The following ANKS1B variants were observed in gnomAD, a reference collection of about 807,000 sequenced individuals.
ANKS1B encodes ankyrin repeat and sterile alpha motif domain-containing protein 1B.
Under a neutral mutation model 148.3 loss-of-function variants are expected in ANKS1B, and 36 were observed. The ratio of observed to expected loss-of-function variants is 0.24; its 90% CI spans 0.19 to 0.32. ANKS1B has a LOEUF of 0.32. Ranked by LOEUF, ANKS1B falls within the 10% of genes least tolerant of loss-of-function variation. ANKS1B has a pLI of 1.00. For synonymous variants in ANKS1B, 542 were observed against 560.8 expected (o/e 0.97, Z 0.47); for missense variants, 1,157 against 1,542.6 (o/e 0.75, Z 4.19).
intron 11 of ANKS1B, among the ~76,000 whole-genome samples, chr12:99,422,066 C>T (rs916030691): frequency 6.6e-6 from 1 of 152,156 alleles, no homozygotes; most frequent in Non-Finnish European, 1.5e-5. Flanking sequence ...CCTGCAGAAC[C>T]GTGAGCCAAT....
intron 9 of ANKS1B, among the ~76,000 whole-genome samples, chr12:99,559,012 C>T (rs991888243): frequency 2.0e-5 from 3 of 152,156 alleles, no homozygotes; most frequent in African/African-American, 7.2e-5. Flanking sequence ...CAACTCACCC[C>T]TTCCTTAGGA....
chr12:99,568,041 T>G (rs1317174976), intron 9 of ANKS1B, among the ~76,000 whole-genome samples: 1 of 152,212 alleles, frequency 6.6e-6, no homozygotes, highest in African/African-American at 2.4e-5. Context: ...TACAGTCCTG[T>G]TGTATTAGTT....
intron 10 of ANKS1B, among the ~76,000 whole-genome samples, chr12:99,449,375 T>A (rs1168800779): frequency 6.6e-6 from 1 of 152,174 alleles, no homozygotes; most frequent in Non-Finnish European, 1.5e-5. Flanking sequence ...TAACTAACTC[T>A]TAGTCTTTTA....
intron 14 of ANKS1B, among the ~76,000 whole-genome samples, chr12:99,167,728 C>A (rs2077324702): frequency 6.6e-6 from 1 of 151,972 alleles, no homozygotes; most frequent in Non-Finnish European, 1.5e-5. Flanking sequence ...AAACATATGC[C>A]ATACAGAGAC....
chr12:99,545,797 T>A (rs1027624233), intron 9 of ANKS1B, among the ~76,000 whole-genome samples: 1 of 138,672 alleles, frequency 7.2e-6, no homozygotes, highest in Non-Finnish European at 1.6e-5. Flanking sequence ...TATATATATA[T>A]AAAATTATTG....
At chr12:99,971,924 A>G (rs1031781771) in intron 1 of ANKS1B, among the ~76,000 whole-genome samples, 9 of 152,216 alleles carry the variant, frequency 5.9e-5, no homozygotes, top group African/African-American at 2.2e-4. Context: ...AAAATTGAAG[A>G]TTTATAGGAA....
chr12:99,819,351 T>A lies in ANKS1B; in HGVS notation c.215+5958A>T, dbSNP rs141904752. The stretch of plus-strand genomic sequence containing the variant: ...GGAAAAAAAGCAAGATGACTAAAGA[T>A]GTTTCTAGTTATTCAAAGAGCAACT... On this transcript the variant is annotated intron_variant, in intron 2 of 26. Transcript: ENST00000683438. 1.6e-4 allele frequency among the ~76,000 whole-genome samples: 25 copies of A among 151,992 alleles called. No individual in the cohort carries two copies. The East Asian group carries it at 4.1e-3, about 25-fold the overall frequency.
rs149904163 is a variant in ANKS1B at position 99,926,787 on chromosome 12, T to A, written c.134+57317A>T. Among the ~76,000 whole-genome samples the A allele has an allele frequency of 1.6e-3, 247 of 152,346 alleles. 9 individuals carry two copies. In the East Asian group the frequency reaches 0.04, roughly 24 times the overall value. ...TGCTAAAGCATCCCGCCTAAATAGC[T>A]ACAAATGTTCCAGACCTTTCCCTTT... On this transcript the variant is annotated intron_variant, in intron 1 of 26. Coordinates refer to ENST00000683438, the MANE Select transcript of ANKS1B (RefSeq NM_001352186.2).
At chr12:99,251,652 C>T in intron 12 of ANKS1B, among the ~76,000 whole-genome samples, 1 of 152,126 alleles carries the variant, frequency 6.6e-6, no homozygotes, top group East Asian at 1.9e-4. Flanking sequence ...CTCTTTTTAT[C>T]CACCTTTGCT....
intron 14 of ANKS1B, among the ~76,000 whole-genome samples, chr12:99,162,199 A>G (rs1476104740): frequency 6.6e-6 from 1 of 152,168 alleles, no homozygotes; most frequent in Admixed American, 6.5e-5. Context: ...GTGACTATTA[A>G]TGGATTTAGG....
chr12:98,797,262 TC>T (rs1172102924), intron 22 of ANKS1B, among the ~76,000 whole-genome samples: 1 of 152,156 alleles, frequency 6.6e-6, no homozygotes, highest in African/African-American at 2.4e-5. Flanking sequence ...AAACAGAGGA[TC>T]GGGGAAACAG....
chr12:98,853,654 C>T (rs1486694428), intron 17 of ANKS1B, among the ~76,000 whole-genome samples: 2 of 151,992 alleles, frequency 1.3e-5, no homozygotes, highest in Non-Finnish European at 2.9e-5. Flanking sequence ...TAAATAGATC[C>T]CCCCTGCTAC....
At chr12:99,590,105 A>G (rs2097685005) in intron 9 of ANKS1B, among the ~76,000 whole-genome samples, 1 of 152,216 alleles carries the variant, frequency 6.6e-6, no homozygotes, top group South Asian at 2.1e-4. Context: ...TGAAAAAAGT[A>G]CAGTATGTAT....
intron 4 of ANKS1B, 81 bp downstream of exon 4, chr12:99,806,323 T>C: frequency 6.6e-6 from 10 of 1,519,364 alleles, no homozygotes; most frequent in Non-Finnish European, 8.9e-6. Context: ...AAAAGATTTC[T>C]ACATACAGGT....
At chr12:99,652,504 C>T (rs1371458249) in intron 9 of ANKS1B, among the ~76,000 whole-genome samples, 1 of 151,422 alleles carries the variant, frequency 6.6e-6, no homozygotes, top group Non-Finnish European at 1.5e-5. Context: ...GTGAGAGAAA[C>T]ATTAGTAAAA....
intron 10 of ANKS1B, among the ~76,000 whole-genome samples, chr12:99,502,238 T>G (rs567077747): frequency 1.3e-5 from 2 of 151,942 alleles, no homozygotes; most frequent in Non-Finnish European, 2.9e-5. Context: ...TAATGAAGCT[T>G]CCCCCCCTGA....
chr12:99,890,855 G>A (rs1338826955), intron 1 of ANKS1B, among the ~76,000 whole-genome samples: 1 of 151,958 alleles, frequency 6.6e-6, no homozygotes, highest in Admixed American at 6.6e-5. Flanking sequence ...TTAGCACTAG[G>A]TGAGCCAAGA....
intron 14 of ANKS1B, among the ~76,000 whole-genome samples, chr12:99,156,493 ATTTTGGGGTC>A (rs2076068689): frequency 1.3e-5 from 2 of 152,232 alleles, no homozygotes; most frequent in Non-Finnish European, 2.9e-5. Context: ...CTCTGATGAC[ATTTTGGGGTC>A]TTCATGATTG....
chr12:98,790,153 A>C (rs1191340671), intron 22 of ANKS1B, among the ~76,000 whole-genome samples: 1 of 152,188 alleles, frequency 6.6e-6, no homozygotes, highest in African/African-American at 2.4e-5. Flanking sequence ...ACACTGTTTG[A>C]ATCTATCACT....
Sources: gnomAD v4.1 joint callset for allele counts (sites outside exome capture counted in the v4.1 genomes callset) on GRCh38, gnomAD v4.1.1 for gene constraint, MANE v1.5 for transcripts, NCBI Gene and HGNC (gene_info 2026-07-23, HGNC 2026-07-21) for gene names.